JARID2: variants seen among roughly 807,000 people sequenced by gnomAD.
The protein encoded by JARID2 is jumonji and AT-rich interaction domain containing 2, also known as protein Jumonji.
JARID2 carries 21 observed loss-of-function variants against 125.6 expected under a neutral mutation model. The observed-to-expected ratio is 0.17, with a 90% CI of 0.12 to 0.24. JARID2 has a LOEUF of 0.24. Ranked by LOEUF, JARID2 falls within the 10% of genes least tolerant of loss-of-function variation. JARID2 has a pLI of 1.00. For synonymous variants in JARID2, 736 were observed against 661.6 expected, an observed-to-expected ratio of 1.11 and a Z score of -1.73; for missense variants, 1,303 against 1,639.6, an observed-to-expected ratio of 0.79 and a Z score of 3.55.
intron 2 of JARID2, among the ~76,000 whole-genome samples, chr6:15,405,033 G>C (rs1765592739): frequency 6.6e-6 from 1 of 151,942 alleles, no homozygotes. Flanking sequence ...ATACATTTGT[G>C]TTCTGAAATC....
At chr6:15,515,183 G>A (rs976440169) in intron 16 of JARID2, among the ~76,000 whole-genome samples, 1 of 152,012 alleles carries the variant, frequency 6.6e-6, no homozygotes, top group African/African-American at 2.4e-5. Context: ...GGGACAGCAG[G>A]TGTACCACCA....
At chr6:15,458,042 A>T (rs1161650276) in intron 4 of JARID2, among the ~76,000 whole-genome samples, 2 of 152,148 alleles carry the variant, frequency 1.3e-5, no homozygotes, top group East Asian at 3.8e-4. Context: ...AGGGGTCCAC[A>T]TGTCTCTTGC....
chr6:15,312,447 C>T (rs1360441372), intron 1 of JARID2, among the ~76,000 whole-genome samples: 1 of 152,228 alleles, frequency 6.6e-6, no homozygotes, highest in African/African-American at 2.4e-5. Flanking sequence ...GACAACTGCA[C>T]ACATCTGGGT....
At chr6:15,500,805 C>G (rs1017858655) in intron 7 of JARID2, 102 bp from the exon 8 acceptor site, 1 of 1,024,130 alleles carries the variant, frequency 9.8e-7, no homozygotes. Flanking sequence ...TGTCAGAGTC[C>G]TGGCTCATAG....
intron 1 of JARID2, among the ~76,000 whole-genome samples, chr6:15,372,083 G>A (rs962249481): frequency 6.6e-6 from 1 of 152,206 alleles, no homozygotes; most frequent in African/African-American, 2.4e-5. Flanking sequence ...AGGGCTTAGA[G>A]TCTCTATGAT....
chr6:15,487,212 G>C, intron 5 of JARID2, 95 bp from the exon 6 acceptor site: 3 of 1,000,066 alleles, frequency 3.0e-6, no homozygotes, highest in Non-Finnish European at 4.5e-6. Flanking sequence ...TTGGACATGA[G>C]ATTTGGGTGG....
At chr6:15,515,863 A>G (rs553202735) in intron 16 of JARID2, among the ~76,000 whole-genome samples, 2 of 152,036 alleles carry the variant, frequency 1.3e-5, no homozygotes, top group African/African-American at 4.8e-5. Context: ...GTGAAACACC[A>G]TCTCTACTAA....
intron 1 of JARID2, among the ~76,000 whole-genome samples, chr6:15,316,281 G>C (rs959426980): frequency 6.6e-5 from 10 of 152,026 alleles, no homozygotes; most frequent in African/African-American, 2.4e-4. Context: ...ATTTTTAGTA[G>C]AGACAGGGTT....
intron 1 of JARID2, among the ~76,000 whole-genome samples, chr6:15,246,963 A>G (rs1759204031): frequency 6.6e-6 from 1 of 152,196 alleles, no homozygotes; most frequent in Non-Finnish European, 1.5e-5. Flanking sequence ...TGTTATTATT[A>G]TTAATGTTAT....
intron 1 of JARID2, among the ~76,000 whole-genome samples, chr6:15,344,307 T>C (rs1451530977): frequency 6.6e-6 from 1 of 152,026 alleles, no homozygotes; most frequent in Non-Finnish European, 1.5e-5. Context: ...TCCATGTAAC[T>C]TAGATAAAGC....
chr6:15,250,351 CA>C (rs1759395659), intron 1 of JARID2, among the ~76,000 whole-genome samples: 1 of 152,178 alleles, frequency 6.6e-6, no homozygotes, highest in Non-Finnish European at 1.5e-5. Context: ...TTATTCATCA[CA>C]AATTGTTCAG....
chr6:15,468,800 T>TG, intron 5 of JARID2, 82 bp downstream of exon 5: 2 of 1,401,776 alleles, frequency 1.4e-6, no homozygotes, highest in Non-Finnish European at 1.9e-6. Context: ...TGAGAAGAGA[T>TG]GAGATGAAGG....
chr6:15,255,557 A>G (rs1448152832), intron 1 of JARID2, among the ~76,000 whole-genome samples: 5 of 152,144 alleles, frequency 3.3e-5, no homozygotes, highest in Admixed American at 6.5e-5. Flanking sequence ...TGATCTCTTA[A>G]AATCTTGGTG....
At position 15,246,463 on chromosome 6, in the gene JARID2, A is replaced by G. The variant is rs992556857; in HGVS notation, c.-77A>G. ...CAACAACAATAAAAACCACCAGGAT[A>G]TTTTTTTGCAAATTTCTGACGGCTT... On this transcript the variant is annotated 5_prime_UTR_variant, in exon 1 of 18. It adds an upstream start codon to the 5' untranslated region. Transcript: ENST00000341776. 2 of 1,274,892 alleles carry G rather than the reference A, an allele frequency of 1.6e-6. No homozygotes were observed. The highest frequency in any genetic ancestry group is 2.3e-6 in the Non-Finnish European group (2 of 878,742). 79.0% of individuals were successfully genotyped at this position (1,274,892 alleles called of 1,614,324 possible). A position where few individuals can be genotyped will look rare whatever the true frequency, so the allele number is the denominator to read the frequency against.
At chr6:15,488,232 C>T (rs778418779) in intron 6 of JARID2, among the ~76,000 whole-genome samples, 9 of 152,198 alleles carry the variant, frequency 5.9e-5, no homozygotes, top group Admixed American at 1.3e-4. Context: ...CAGGGCTTGG[C>T]CATTATTGCT....
At chr6:15,370,353 A>T (rs1209148583) in intron 1 of JARID2, among the ~76,000 whole-genome samples, 8 of 112,340 alleles carry the variant, frequency 7.1e-5, no homozygotes, top group East Asian at 5.5e-4. Context: ...TTTTTTTTTT[A>T]AAGACTTGCT....
intron 2 of JARID2, among the ~76,000 whole-genome samples, chr6:15,389,340 G>A (rs924435174): frequency 5.9e-5 from 9 of 152,254 alleles, no homozygotes; most frequent in African/African-American, 1.7e-4. Context: ...AAATGTTTTG[G>A]TAGAGATGGG....
chr6:15,415,242 ATC>A (rs1491170479), intron 3 of JARID2, among the ~76,000 whole-genome samples: 1 of 152,200 alleles, frequency 6.6e-6, no homozygotes, highest in Non-Finnish European at 1.5e-5. Flanking sequence ...CAACCATCCG[ATC>A]TCTCAATCCC....
intron 1 of JARID2, among the ~76,000 whole-genome samples, chr6:15,344,979 C>T (rs1763198118): frequency 6.6e-6 from 1 of 151,992 alleles, no homozygotes; most frequent in Non-Finnish European, 1.5e-5. Context: ...AGTAAGTTTG[C>T]TGCTATTGCA....
Sources: gnomAD v4.1 joint callset for allele counts (sites outside exome capture counted in the v4.1 genomes callset) on GRCh38, gnomAD v4.1.1 for gene constraint, MANE v1.5 for transcripts, NCBI Gene and HGNC (gene_info 2026-07-23, HGNC 2026-07-21) for gene names.